Variants in SNTG1 observed in about 807,000 individuals in gnomAD.
SNTG1 encodes the protein gamma-1-syntrophin.
Under a neutral mutation model 74.7 loss-of-function variants are expected in SNTG1, and 39 were observed. The observed-to-expected ratio is 0.52, with a 90% confidence interval of 0.40 to 0.68. SNTG1 has a LOEUF of 0.68. Ranked by LOEUF, SNTG1 falls within the 30% of genes least tolerant of loss-of-function variation. SNTG1 has a pLI of 0.00. For synonymous variants in SNTG1, 254 were observed against 217.1 expected (o/e 1.17, Z -1.49); for missense variants, 685 against 609.5 (o/e 1.12, Z -1.30).
At chr8:50,734,452 T>A (rs2095520632) in intron 17 of SNTG1, among the ~76,000 whole-genome samples, 1 of 151,522 alleles carries the variant, frequency 6.6e-6, no homozygotes, top group Non-Finnish European at 1.5e-5. Flanking sequence ...TGCCTCAATA[T>A]CATTACATAT....
chr8:50,114,245 A>G (rs1389930897), intron 1 of SNTG1, among the ~76,000 whole-genome samples: 1 of 152,182 alleles, frequency 6.6e-6, no homozygotes. Context: ...GTAATTATCT[A>G]AAAAATAAAT....
intron 1 of SNTG1, among the ~76,000 whole-genome samples, chr8:50,032,700 A>G (rs895880071): frequency 6.6e-6 from 1 of 152,150 alleles, no homozygotes; most frequent in African/African-American, 2.4e-5. Flanking sequence ...GACACTTTTC[A>G]GTTGTACTTT....
chr8:50,199,443 C>T (rs1381816433), intron 2 of SNTG1, among the ~76,000 whole-genome samples: 1 of 152,146 alleles, frequency 6.6e-6, no homozygotes, highest in African/African-American at 2.4e-5. Context: ...GTCTCGAACT[C>T]TTGACCTCAG....
chr8:50,070,884 T>C (rs1368290005), intron 1 of SNTG1, among the ~76,000 whole-genome samples: 1 of 152,196 alleles, frequency 6.6e-6, no homozygotes, highest in Non-Finnish European at 1.5e-5. Context: ...GGTGCCCTGT[T>C]GGGGACGGCT....
chr8:50,414,794 G>C (rs1436080683), intron 4 of SNTG1, among the ~76,000 whole-genome samples: 2 of 151,932 alleles, frequency 1.3e-5, no homozygotes, highest in Non-Finnish European at 2.9e-5. Flanking sequence ...CAGATCTGAA[G>C]TGTACAGGCC....
intron 1 of SNTG1, among the ~76,000 whole-genome samples, chr8:50,068,283 C>G (rs1295157990): frequency 6.6e-6 from 1 of 152,130 alleles, no homozygotes; most frequent in African/African-American, 2.4e-5. Context: ...CAGGCATTAT[C>G]CTCAGGCAGA....
chr8:50,392,400 A>C (rs981117503), intron 2 of SNTG1, among the ~76,000 whole-genome samples: 1 of 152,190 alleles, frequency 6.6e-6, no homozygotes, highest in Non-Finnish European at 1.5e-5. Flanking sequence ...TATTCATTAC[A>C]AAGTTACTTT....
intron 18 of SNTG1, among the ~76,000 whole-genome samples, chr8:50,752,965 C>G (rs2131705404): frequency 6.6e-6 from 1 of 152,052 alleles, no homozygotes; most frequent in Middle Eastern, 3.4e-3. Flanking sequence ...TCTTTGGACT[C>G]ATCTTTTCTG....
intron 1 of SNTG1, among the ~76,000 whole-genome samples, chr8:50,018,443 A>G (rs956573169): frequency 6.6e-6 from 1 of 152,050 alleles, no homozygotes; most frequent in Non-Finnish European, 1.5e-5. Flanking sequence ...GGATATGCAA[A>G]GAATGAGTTT....
chr8:50,051,723 C>T (rs1819592163), intron 1 of SNTG1, among the ~76,000 whole-genome samples: 1 of 152,056 alleles, frequency 6.6e-6, no homozygotes, highest in Non-Finnish European at 1.5e-5. Context: ...TTCTTGTGTG[C>T]CTCTGTCTTC....
chr8:49,952,268 T>C (rs1809790171), intron 1 of SNTG1, among the ~76,000 whole-genome samples: 6 of 152,100 alleles, frequency 3.9e-5, no homozygotes, highest in Admixed American at 1.3e-4. Context: ...GTAGACAGAT[T>C]ATGAGAAGTG....
chr8:50,587,532 A>G (rs558848076), intron 12 of SNTG1, among the ~76,000 whole-genome samples: 2 of 152,330 alleles, frequency 1.3e-5, no homozygotes, highest in Admixed American at 1.3e-4. Context: ...ACTGTTAAAA[A>G]TTAGTGGCTT....
intron 4 of SNTG1, among the ~76,000 whole-genome samples, chr8:50,432,741 A>G (rs1171003452): frequency 6.6e-6 from 1 of 151,778 alleles, no homozygotes; most frequent in Non-Finnish European, 1.5e-5. Flanking sequence ...TTAGATTTAT[A>G]CCAAAATATT....
chr8:50,594,449 A>T (rs1216674110), intron 13 of SNTG1, among the ~76,000 whole-genome samples: 2 of 152,102 alleles, frequency 1.3e-5, no homozygotes, highest in African/African-American at 4.8e-5. Flanking sequence ...AAAATAATAT[A>T]ATCAAATTAT....
chr8:50,681,629 T>C (rs539672318), intron 15 of SNTG1, among the ~76,000 whole-genome samples: 1 of 152,304 alleles, frequency 6.6e-6, no homozygotes, highest in African/African-American at 2.4e-5. Context: ...AGTGTTGTAC[T>C]ATTTTGTAAA....
At chr8:50,342,456 C>T (rs1320295842) in intron 2 of SNTG1, among the ~76,000 whole-genome samples, 1 of 152,044 alleles carries the variant, frequency 6.6e-6, no homozygotes, top group Non-Finnish European at 1.5e-5. Context: ...ATACTCTTTG[C>T]ATTGCAAAAA....
chr8:50,070,462 T>C (rs917079747), intron 1 of SNTG1, among the ~76,000 whole-genome samples: 1 of 152,198 alleles, frequency 6.6e-6, no homozygotes. Flanking sequence ...ATCTGATTTT[T>C]TTTCCTCTTA....
chr8:50,165,286 G>A (rs758120691), intron 1 of SNTG1, among the ~76,000 whole-genome samples: 1 of 152,194 alleles, frequency 6.6e-6, no homozygotes, highest in Non-Finnish European at 1.5e-5. Flanking sequence ...TTGTCAGAGT[G>A]AGAAAAGATT....
At chr8:50,063,101 A>T (rs1200108326) in intron 1 of SNTG1, among the ~76,000 whole-genome samples, 1 of 152,250 alleles carries the variant, frequency 6.6e-6, no homozygotes, top group African/African-American at 2.4e-5. Flanking sequence ...ATTGCCTTGC[A>T]AGAGGCATTA....
Sources: gnomAD v4.1 joint callset for allele counts (sites outside exome capture counted in the v4.1 genomes callset) on GRCh38, gnomAD v4.1.1 for gene constraint, MANE v1.5 for transcripts, NCBI Gene and HGNC (gene_info 2026-07-23, HGNC 2026-07-21) for gene names.